MSRA: variants seen among roughly 807,000 people sequenced by gnomAD.
MSRA encodes methionine sulfoxide reductase A.
A neutral mutation model predicts 31.3 loss-of-function variants in MSRA; 54 were observed. The ratio of observed to expected loss-of-function variants is 1.73; its 90% CI spans 1.39 to 2.17. The LOEUF (loss-of-function observed/expected upper bound fraction) is 2.17, where lower values mean the gene tolerates loss of function less well. MSRA is among the 30% of genes most tolerant of loss of function. The probability of loss-of-function intolerance (pLI) is 0.00; values close to 1 mark genes in which losing one functional copy is unlikely to be tolerated. For synonymous variants in MSRA, 169 were observed against 116.5 expected, an observed-to-expected ratio of 1.45 and a Z score of -2.90; for missense variants, 507 against 300.9, an observed-to-expected ratio of 1.69 and a Z score of -5.07.
intron 3 of MSRA, among the ~76,000 whole-genome samples, chr8:10,268,220 C>T (rs545785858): frequency 1.1e-4 from 16 of 152,234 alleles, no homozygotes; most frequent in African/African-American, 2.9e-4. Flanking sequence ...TGCAGCACAC[C>T]GTTCTAGCTA....
At chr8:10,225,099 T>C (rs184240869) in intron 2 of MSRA, among the ~76,000 whole-genome samples, 9 of 152,330 alleles carry the variant, frequency 5.9e-5, no homozygotes, top group Admixed American at 3.9e-4. Flanking sequence ...ATCGCATCAC[T>C]GCACTCCAAC....
chr8:10,225,620 G>A (rs1280707492), intron 2 of MSRA, among the ~76,000 whole-genome samples: 1 of 152,208 alleles, frequency 6.6e-6, no homozygotes, highest in Non-Finnish European at 1.5e-5. Flanking sequence ...GACTTAAAGA[G>A]GAAGTCTCAA....
At chr8:10,412,938 A>G (rs1235674972) in intron 5 of MSRA, among the ~76,000 whole-genome samples, 2 of 152,212 alleles carry the variant, frequency 1.3e-5, no homozygotes, top group African/African-American at 4.8e-5. Context: ...ATCATTTAAT[A>G]TACTTCCACC....
chr8:10,274,198 C>T (rs564389467), intron 3 of MSRA, among the ~76,000 whole-genome samples: 1 of 152,336 alleles, frequency 6.6e-6, no homozygotes, highest in African/African-American at 2.4e-5. Flanking sequence ...TACATTCAAA[C>T]TTCTAACATG....
At chr8:10,126,588 C>G (rs568637451) in intron 1 of MSRA, among the ~76,000 whole-genome samples, 1 of 152,182 alleles carries the variant, frequency 6.6e-6, no homozygotes, top group African/African-American at 2.4e-5. Context: ...TGTCTGCTCA[C>G]CACAACCTCT....
At chr8:10,339,276 A>G (rs945221083) in intron 5 of MSRA, among the ~76,000 whole-genome samples, 1 of 152,200 alleles carries the variant, frequency 6.6e-6, no homozygotes, top group African/African-American at 2.4e-5. Flanking sequence ...GCATGGAGAC[A>G]GGCCCTTTCT....
chr8:10,426,794 G>C (rs1374252660), intron 5 of MSRA, among the ~76,000 whole-genome samples: 1 of 152,218 alleles, frequency 6.6e-6, no homozygotes, highest in Non-Finnish European at 1.5e-5. Flanking sequence ...TCTTTGCACA[G>C]ATCATGGCAT....
chr8:10,098,785 G>A (rs1480042090), intron 1 of MSRA, among the ~76,000 whole-genome samples: 1 of 152,216 alleles, frequency 6.6e-6, no homozygotes, highest in Non-Finnish European at 1.5e-5. Flanking sequence ...TGACAGACAT[G>A]TAAAATAAGC....
At chr8:10,150,029 C>T (rs1475585546) in intron 1 of MSRA, among the ~76,000 whole-genome samples, 2 of 145,350 alleles carry the variant, frequency 1.4e-5, no homozygotes, top group Non-Finnish European at 3.0e-5. Flanking sequence ...ATTGCAGTTG[C>T]TCTGTTGGAT....
At chr8:10,333,107 G>A (rs1292768524) in intron 5 of MSRA, among the ~76,000 whole-genome samples, 1 of 152,132 alleles carries the variant, frequency 6.6e-6, no homozygotes, top group Non-Finnish European at 1.5e-5. Context: ...TTTAGTAGAA[G>A]TACAGTAGAA....
intron 3 of MSRA, among the ~76,000 whole-genome samples, chr8:10,284,722 C>G (rs750133588): frequency 2.0e-5 from 3 of 152,082 alleles, no homozygotes; most frequent in Admixed American, 6.6e-5. Flanking sequence ...GACTCCGCCC[C>G]TCAGTGGTGG....
chr8:10,289,405 A>G (rs1445820140), intron 3 of MSRA, among the ~76,000 whole-genome samples: 1 of 152,004 alleles, frequency 6.6e-6, no homozygotes, highest in Admixed American at 6.6e-5. Flanking sequence ...TAGTGGGTAT[A>G]TATATTTATG....
At chr8:10,370,405 A>T (rs962635749) in intron 5 of MSRA, among the ~76,000 whole-genome samples, 15 of 152,240 alleles carry the variant, frequency 9.9e-5, no homozygotes, top group African/African-American at 3.6e-4. Context: ...GCGGCCAGTG[A>T]AGAAATAGCA....
chr8:10,115,164 T>C (rs991633290), intron 1 of MSRA, among the ~76,000 whole-genome samples: 3 of 152,238 alleles, frequency 2.0e-5, no homozygotes, highest in Admixed American at 6.5e-5. Context: ...TGGCTTACTA[T>C]GTCAAAAATG....
intron 1 of MSRA, among the ~76,000 whole-genome samples, chr8:10,135,215 C>A (rs1364048057): frequency 6.6e-6 from 1 of 152,178 alleles, no homozygotes; most frequent in Non-Finnish European, 1.5e-5. Flanking sequence ...CCGTGGTTCC[C>A]CACTTTTCAG....
chr8:10,377,538 A>C (rs1585625353), intron 5 of MSRA, among the ~76,000 whole-genome samples: 1 of 152,186 alleles, frequency 6.6e-6, no homozygotes, highest in South Asian at 2.1e-4. Flanking sequence ...GGATGAGGTA[A>C]GGAGTATGCA....
intron 2 of MSRA, among the ~76,000 whole-genome samples, chr8:10,238,003 A>T (rs757554832): frequency 2.6e-5 from 4 of 152,132 alleles, no homozygotes; most frequent in Admixed American, 6.5e-5. Context: ...CAAAACTCCA[A>T]TGTGGCTACC....
At chr8:10,155,967 G>A (rs1804121734) in intron 1 of MSRA, among the ~76,000 whole-genome samples, 2 of 152,182 alleles carry the variant, frequency 1.3e-5, no homozygotes, top group African/African-American at 4.8e-5. Flanking sequence ...TATTCTCTGT[G>A]CTTTTGCAAT....
rs560354085 is a variant in MSRA at position 10,095,107 on chromosome 8, A to G, written c.142+40449A>G. Among the ~76,000 whole-genome samples, 53 of 152,328 alleles carry G rather than the reference A, an allele frequency of 3.5e-4. No individual in the cohort carries two copies. In the South Asian group the frequency reaches 0.011, roughly 30 times the overall value. ...TTTTAATCTGCATGCCTCCGTTTCTATTCTCCCATGAGTCTTTGCGGCAGG... is the reference window on the plus strand; with the variant it reads ...TTTTAATCTGCATGCCTCCGTTTCTGTTCTCCCATGAGTCTTTGCGGCAGG... On this transcript the variant is annotated intron_variant, in intron 1 of 5. Coordinates refer to ENST00000317173, the MANE Select transcript of MSRA (RefSeq NM_012331.5).
Sources: gnomAD v4.1 joint callset for allele counts (sites outside exome capture counted in the v4.1 genomes callset) on GRCh38, gnomAD v4.1.1 for gene constraint, MANE v1.5 for transcripts, NCBI Gene and HGNC (gene_info 2026-07-23, HGNC 2026-07-21) for gene names.